The following UPK3A variants were observed in gnomAD, a reference collection of about 807,000 sequenced individuals.
The protein encoded by UPK3A is uroplakin-3a.
A neutral mutation model predicts 27.6 loss-of-function variants in UPK3A; 32 were observed. The ratio of observed to expected loss-of-function variants is 1.16; its 90% CI spans 0.87 to 1.55. UPK3A has a LOEUF of 1.55. Among genes scored for constraint, UPK3A ranks in the 40% most tolerant of loss-of-function variants. UPK3A has a pLI of 0.00. For missense variants in UPK3A, 370 were observed against 367.9 expected (o/e 1.01, Z -0.05); for synonymous variants, 171 against 163.9 (o/e 1.04, Z -0.33).
chr22:45,289,233 C>A, intron 4 of UPK3A, 90 bp downstream of exon 4: 1 of 1,313,370 alleles, frequency 7.6e-7, no homozygotes, highest in Non-Finnish European at 1.1e-6. Context: ...CTCCTCTGTC[C>A]CTGTGAAAGC....
intron 3 of UPK3A, among the ~76,000 whole-genome samples, chr22:45,288,486 C>A (rs561573702): frequency 6.6e-6 from 1 of 152,232 alleles, no homozygotes; most frequent in Non-Finnish European, 1.5e-5. Flanking sequence ...GCGTCAGGCA[C>A]TGCGCCCGGC....
chr22:45,289,590 A>AAAC (rs1431365581), intron 4 of UPK3A, among the ~76,000 whole-genome samples: 1 of 146,276 alleles, frequency 6.8e-6, no homozygotes, highest in Non-Finnish European at 1.5e-5. Flanking sequence ...AAAAAAAAAA[A>AAAC]AAAGAAAAAA....
In UPK3A at chr22:45,286,038, C is replaced by T; in HGVS notation, c.150C>T (p.Asp50=). The T allele has an allele frequency of 1.2e-6, 2 of 1,614,210 alleles. No homozygotes were observed. Among genetic ancestry groups the T allele is most frequent in the Non-Finnish European group, 1.7e-6 (2 of 1,180,040 alleles). ...VALEKPLCMF[D]SKEALTGTHE... is the part of the protein sequence containing the mutation. ...TGGAAAAGCCTCTCTGCATGTTTGA[C>T]AGCAAAGAGGCCCTCACTGGCACCC... The change falls in exon 2 of 6, where the codon GAC becomes GAT. Residue 50 remains aspartate (D), a synonymous_variant. Transcript: ENST00000216211.
rs764118934 is a variant in UPK3A at position 45,285,991 on chromosome 22, C to A, written c.103C>A (p.Pro35Thr). Residue 35 changes from proline (P) to threonine (T), a missense_variant, in exon 2 of 6, where the codon CCC (proline) becomes ACC (threonine). Coordinates refer to ENST00000216211, the MANE Select transcript of UPK3A (RefSeq NM_006953.4). ...CAGTGTGACTTTCGCCACCAACAAC[C>A]CCACACTTACCACTGTGGCCTTGGA... ...LASVTFATNNPTLTTVALEKP... is the reference protein window; with the variant it reads ...LASVTFATNNTTLTTVALEKP... 1 of 1,614,052 alleles carries A rather than the reference C, an allele frequency of 6.2e-7. No homozygotes were observed. Among genetic ancestry groups the A allele is most frequent in the Non-Finnish European group, 8.5e-7 (1 of 1,180,022 alleles).
intron 3 of UPK3A, 88 bp from the exon 4 acceptor site, chr22:45,288,973 C>G (rs574992745): frequency 2.4e-4 from 323 of 1,346,348 alleles, no homozygotes; most frequent in Middle Eastern, 1.6e-3. Flanking sequence ...GTCTCCCACC[C>G]CTAGGCCATC....
rs962382897 is a variant in UPK3A, at chr22:45,295,808, A to G, written c.*89A>G. The G allele has an allele frequency of 1.3e-5, 20 of 1,509,868 alleles. No homozygotes were observed. The African/African-American group carries it at 2.2e-4, about 17-fold the overall frequency. 93.5% of individuals were successfully genotyped at this position (1,509,868 alleles called of 1,614,324 possible). A position where few individuals can be genotyped will look rare whatever the true frequency, so the allele number is the denominator to read the frequency against. On this transcript the variant is annotated 3_prime_UTR_variant, in exon 6 of 6. Transcript: ENST00000216211. ...TGGTTGTCACACCCTGACTTCAGGG[A>G]AGGTGAAACAGGGCTTGTCCCTCCA...
At chr22:45,288,957 G>C in intron 3 of UPK3A, 104 bp from the exon 4 acceptor site, 1 of 1,079,688 alleles carries the variant, frequency 9.3e-7, no homozygotes, top group Non-Finnish European at 1.4e-6. Flanking sequence ...AAGGGCCCCC[G>C]CTGCCGTCTC....
chr22:45,291,782 G>A lies in UPK3A; in HGVS notation c.572-1399G>A, dbSNP rs911232562. ...TTGGTATGCGTGGTGTGTGGTGTGT[G>A]AGAGTGTGGCAATGTGTGTGTGTGT... On this transcript the variant is annotated intron_variant, in intron 4 of 5. Transcript: ENST00000216211. Among the ~76,000 whole-genome samples, 7 of 150,340 alleles carry A rather than the reference G, an allele frequency of 4.7e-5. No homozygotes were observed. In the East Asian group the frequency reaches 1.2e-3, roughly 25 times the overall value.
At chr22:45,290,878 T>C (rs1220464722) in intron 4 of UPK3A, among the ~76,000 whole-genome samples, 1 of 152,154 alleles carries the variant, frequency 6.6e-6, no homozygotes, top group Admixed American at 6.5e-5. Flanking sequence ...TTAGGTTGCA[T>C]GCTCCTCACG....
intron 4 of UPK3A, 33 bp downstream of exon 4, chr22:45,289,176 A>C: frequency 5.6e-6 from 9 of 1,610,150 alleles, no homozygotes; most frequent in Non-Finnish European, 7.6e-6. Context: ...GGTGATGCTC[A>C]AGGGGACCCG....
Position 45,295,605 on chromosome 22 carries a change from C to T in UPK3A, c.750C>T (p.Ile250=). The T allele has an allele frequency of 6.2e-7, 1 of 1,614,090 alleles. No individual in the cohort carries two copies. The highest frequency in any genetic ancestry group is 8.5e-7 in the Non-Finnish European group (1 of 1,180,034). ...SDGETTHDSQ[I]TQEAVPKSLG... The stretch of plus-strand genomic sequence containing the variant: ...GGGAAACGACTCACGACTCCCAAAT[C>T]ACTCAGGAGGCTGTTCCCAAGTCGC... The change falls in exon 6 of 6, where the codon ATC becomes ATT. Residue 250 remains isoleucine, a synonymous_variant. Transcript: ENST00000216211.
At position 45,295,659 on chromosome 22, in the gene UPK3A, C is replaced by G; in HGVS notation, c.804C>G (p.Ser268=). 6.2e-7 allele frequency: 1 copy of G among 1,613,914 alleles called. No homozygotes were observed. Residue 268 remains serine (S), a synonymous_variant, in exon 6 of 6, where the codon TCC becomes TCG. Transcript: ENST00000216211. ...GGGCCTCGGAGTCTTCCTACACGTC[C>G]GTGAACCGGGGGCCGCCACTGGACA... ...SLGASESSYT[S]VNRGPPLDRA...
chr22:45,285,869 C>T, intron 1 of UPK3A, 72 bp from the exon 2 acceptor site: 1 of 1,605,404 alleles, frequency 6.2e-7, no homozygotes, highest in Non-Finnish European at 8.5e-7. Context: ...AACACGTGCT[C>T]AGTAACTGCA....
In UPK3A at chr22:45,290,650, C is replaced by T. The variant is rs369805969; in HGVS notation, c.571+1507C>T. Among the ~76,000 whole-genome samples, 22 of 151,922 alleles carry T rather than the reference C, an allele frequency of 1.4e-4. 1 individual carries two copies. The South Asian group carries it at 4.4e-3, about 30-fold the overall frequency. ...ACAGTGTGTGGTGTATATCAGGGGT[C>T]CCCAACCCCTGGGCCATGGACCAGT... is the stretch of plus-strand genomic sequence containing the variant. On this transcript the variant is annotated intron_variant, in intron 4 of 5. Coordinates refer to ENST00000216211, the MANE Select transcript of UPK3A (RefSeq NM_006953.4).
rs1418933105 is a variant in UPK3A, at chr22:45,285,984, C to T, written c.96C>T (p.Thr32=). 1.2e-6 allele frequency: 2 copies of T among 1,614,028 alleles called. No homozygotes were observed. The highest frequency in any genetic ancestry group is 1.7e-6 in the Non-Finnish European group (2 of 1,180,016). ...QPQLASVTFA[T]NNPTLTTVAL... ...AACTGGCCAGTGTGACTTTCGCCAC[C>T]AACAACCCCACACTTACCACTGTGG... is the stretch of plus-strand genomic sequence containing the variant. The change falls in exon 2 of 6, where the codon ACC becomes ACT. Residue 32 remains threonine (T), a synonymous_variant. Coordinates refer to ENST00000216211, the MANE Select transcript of UPK3A (RefSeq NM_006953.4).
At chr22:45,289,260 T>G (rs1315962185) in intron 4 of UPK3A, 117 bp downstream of exon 4, 1 of 1,028,772 alleles carries the variant, frequency 9.7e-7, no homozygotes, top group Non-Finnish European at 1.5e-6. Flanking sequence ...GGCCAGGCAG[T>G]GATGAGTAAA....
chr22:45,291,288 T>C (rs1368954860), intron 4 of UPK3A, among the ~76,000 whole-genome samples: 1 of 147,062 alleles, frequency 6.8e-6, no homozygotes, highest in Non-Finnish European at 1.5e-5. Context: ...GTATGTGGTG[T>C]GTGGTGGGGG....
chr22:45,286,075 C>G lies in UPK3A; in HGVS notation c.187C>G (p.Leu63Val), dbSNP rs1408344201. 6.2e-7 allele frequency: 1 copy of G among 1,614,174 alleles called. No homozygotes were observed. Among genetic ancestry groups the G allele is most frequent in the Non-Finnish European group, 8.5e-7 (1 of 1,180,028 alleles). ...EALTGTHEVY[L>V]YVLVDSAISR... ...CCTCACTGGCACCCACGAGGTCTAC[C>G]TGTATGTCCTGGTCGACTCAGGTAA... The change falls in exon 2 of 6, where the codon CTG becomes GTG. Residue 63 changes from leucine to valine, a missense_variant. By Grantham distance (32) the Leu-to-Val change is conservative. Coordinates refer to ENST00000216211, the MANE Select transcript of UPK3A (RefSeq NM_006953.4).
At chr22:45,288,608 C>T (rs1037799872) in intron 3 of UPK3A, among the ~76,000 whole-genome samples, 6 of 152,386 alleles carry the variant, frequency 3.9e-5, no homozygotes, top group Admixed American at 3.9e-4. Context: ...GTTGGGATTA[C>T]AGGCGTGAGC....
Sources: allele counts gnomAD v4.1 joint callset (sites outside exome capture counted in the v4.1 genomes callset), GRCh38; gene constraint gnomAD v4.1.1; transcripts MANE v1.5; gene names NCBI Gene and HGNC (gene_info 2026-07-23, HGNC 2026-07-21).